TP63: variants seen among roughly 807,000 people sequenced by gnomAD.
TP63 encodes tumor protein p63, also known as tumor protein 63.
A neutral mutation model predicts 82.8 loss-of-function variants in TP63; 17 were observed. The observed-to-expected ratio is 0.21, with a 90% CI of 0.14 to 0.31. The LOEUF (loss-of-function observed/expected upper bound fraction) is 0.31, where lower values mean the gene tolerates loss of function less well. TP63 is among the 10% of genes least tolerant of loss of function. TP63 has a pLI of 1.00. For missense variants in TP63, 648 were observed against 895.3 expected (o/e 0.72, Z 3.52); for synonymous variants, 330 against 321.7 (o/e 1.03, Z -0.28).
At position 189,814,474 on chromosome 3, in the gene TP63, A is replaced by G. The variant is rs9812549; in HGVS notation, c.579+5948A>G. ...ATGTGTTCGTGTTTATCATAACAAG[A>G]TAATTTTTACTTCTTGCCATAGCTG... On this transcript the variant is annotated intron_variant, in intron 4 of 13. Transcript: ENST00000264731. Among the ~76,000 whole-genome samples, 1,122 of 152,320 alleles carry G rather than the reference A, an allele frequency of 7.4e-3. 10 individuals carry two copies. The highest frequency in any genetic ancestry group is 0.025 in the African/African-American group (1,039 of 41,568).
At chr3:189,716,692 T>C (rs536725324) in intron 1 of TP63, among the ~76,000 whole-genome samples, 28 of 152,336 alleles carry the variant, frequency 1.8e-4, no homozygotes, top group African/African-American at 6.5e-4. Flanking sequence ...CTCAGTTGCA[T>C]TCTTTTTCCC....
chr3:189,817,287 A>ATAAGAAGACTAATGATTACTT (rs1309841314), intron 4 of TP63, among the ~76,000 whole-genome samples: 3 of 152,168 alleles, frequency 2.0e-5, no homozygotes, highest in Non-Finnish European at 4.4e-5. Flanking sequence ...GTTGTATTAA[A>ATAAGAAGACTAATGATTACTT]TAAGAAGACT....
chr3:189,751,333 C>G (rs1721807570), intron 3 of TP63, among the ~76,000 whole-genome samples: 1 of 152,076 alleles, frequency 6.6e-6, no homozygotes, highest in South Asian at 2.1e-4. Context: ...GGGTATATAC[C>G]CAGTAATGGG....
In TP63 at chr3:189,868,720, A is replaced by T. The variant is rs2108807197; in HGVS notation, c.1129+4A>T. 1 of 1,613,926 alleles carries T rather than the reference A, an allele frequency of 6.2e-7. No homozygotes were observed. The highest frequency in any genetic ancestry group is 8.5e-7 in the Non-Finnish European group (1 of 1,179,906). On this transcript the variant is annotated splice_donor_region_variant and intron_variant, in intron 8 of 13. Transcript: ENST00000264731. ...AACGGTGATGGTACGAAGCGCCGTAAGTAGATGTAGTGGCCAAATGGGGTA... is the reference window on the plus strand; with the variant it reads ...AACGGTGATGGTACGAAGCGCCGTATGTAGATGTAGTGGCCAAATGGGGTA...
intron 1 of TP63, among the ~76,000 whole-genome samples, chr3:189,669,333 T>A (rs1333287911): frequency 6.6e-6 from 1 of 151,814 alleles, no homozygotes; most frequent in Non-Finnish European, 1.5e-5. Context: ...TGAGGATAAT[T>A]TGTAGTTAGC....
chr3:189,833,380 A>C (rs535672329), intron 4 of TP63, among the ~76,000 whole-genome samples: 1 of 152,356 alleles, frequency 6.6e-6, no homozygotes, highest in Non-Finnish European at 1.5e-5. Flanking sequence ...CCAATTTATG[A>C]GCATGTTTAG....
intron 5 of TP63, 86 bp from the exon 6 acceptor site, chr3:189,866,596 A>T: frequency 8.1e-7 from 1 of 1,240,566 alleles, no homozygotes; most frequent in Non-Finnish European, 1.2e-6. Context: ...TTCTTTTGCC[A>T]CCAACATCCT....
At chr3:189,694,570 A>G (rs1417760946) in intron 1 of TP63, among the ~76,000 whole-genome samples, 1 of 151,960 alleles carries the variant, frequency 6.6e-6, no homozygotes, top group African/African-American at 2.4e-5. Context: ...TTAATGATAA[A>G]CCTGGGTTTA....
chr3:189,844,388 C>T (rs777992182), intron 4 of TP63: 20 of 342,218 alleles, frequency 5.8e-5, no homozygotes, highest in Middle Eastern at 9.9e-4. Flanking sequence ...TGGATTCAAG[C>T]GATTCTCCTT....
In TP63 at chr3:189,872,877, T is replaced by C; in HGVS notation, c.1231T>C (p.Tyr411His). The change falls in exon 10 of 14, where the codon TAT becomes CAT. Residue 411 changes from tyrosine to histidine, a missense_variant. By Grantham distance (83) the Tyr-to-His change is moderately conservative (BLOSUM62 2). Transcript: ENST00000264731. ...LYLPVRGRET[Y>H]EMLLKIKESL... is the part of the protein sequence containing the mutation. ...TCCATAGGTGAGGGGCCGTGAGACT[T>C]ATGAAATGCTGTTGAAGATCAAAGA... is the stretch of plus-strand genomic sequence containing the variant. The C allele has an allele frequency of 6.2e-7, 1 of 1,614,116 alleles. No homozygotes were observed. Among genetic ancestry groups the C allele is most frequent in the Non-Finnish European group, 8.5e-7 (1 of 1,179,990 alleles).
chr3:189,828,373 T>C (rs1056358254), intron 4 of TP63, among the ~76,000 whole-genome samples: 4 of 152,138 alleles, frequency 2.6e-5, no homozygotes, highest in African/African-American at 7.2e-5. Context: ...TTTCCGTAAT[T>C]GGGATTATTT....
intron 10 of TP63, among the ~76,000 whole-genome samples, chr3:189,885,240 A>T (rs552906043): frequency 1.3e-5 from 2 of 152,202 alleles, no homozygotes; most frequent in African/African-American, 4.8e-5. Flanking sequence ...TTCAGTGTAG[A>T]TGCTGCATAG....
At chr3:189,720,736 G>GA (rs548352369) in intron 1 of TP63, among the ~76,000 whole-genome samples, 12,798 of 120,354 alleles carry the variant, frequency 0.11, 694 homozygotes, top group Non-Finnish European at 0.11. Context: ...CTCCGTCTCA[G>GA]AAAAAAAAAA....
rs548388379 is a variant in TP63 at position 189,843,366 on chromosome 3, C to T, written c.580-20866C>T. The stretch of plus-strand genomic sequence containing the variant: ...GATGTCAACATTTGTGGGCGCGGCC[C>T]GGGAAGAATGTGCCGCTCCCAGCCT... On this transcript the variant is annotated intron_variant, in intron 4 of 13. Transcript: ENST00000264731. Among the ~76,000 whole-genome samples the T allele has an allele frequency of 2.0e-4, 30 of 152,288 alleles. No homozygotes were observed. The South Asian group carries it at 2.3e-3, about 12-fold the overall frequency.
chr3:189,693,548 G>A (rs545893313), intron 1 of TP63, among the ~76,000 whole-genome samples: 13 of 152,318 alleles, frequency 8.5e-5, no homozygotes, highest in African/African-American at 3.1e-4. Context: ...AAATCATGGA[G>A]TGCTTCGTAT....
chr3:189,719,352 A>T (rs1486383937), intron 1 of TP63, among the ~76,000 whole-genome samples: 18 of 152,140 alleles, frequency 1.2e-4, no homozygotes, highest in Non-Finnish European at 2.6e-4. Flanking sequence ...AGAGTCCATG[A>T]TGCTCAGTTG....
intron 1 of TP63, among the ~76,000 whole-genome samples, chr3:189,694,769 A>AAGG (rs1257439779): frequency 4.4e-5 from 6 of 137,406 alleles, no homozygotes; most frequent in African/African-American, 1.6e-4. Context: ...TACTCTTTGA[A>AAGG]AGGAGGCCAG....
intron 1 of TP63, among the ~76,000 whole-genome samples, chr3:189,711,167 G>A (rs1025805002): frequency 4.5e-4 from 68 of 152,128 alleles, no homozygotes; most frequent in African/African-American, 1.6e-3. Flanking sequence ...GTTGAGCCAG[G>A]AACCATTACT....
At chr3:189,773,279 C>T (rs1177087580) in intron 3 of TP63, among the ~76,000 whole-genome samples, 2 of 152,210 alleles carry the variant, frequency 1.3e-5, no homozygotes, top group African/African-American at 4.8e-5. Flanking sequence ...GAGTAATTCT[C>T]ATTCTTGCAT....
Sources: gnomAD v4.1 joint callset for allele counts (sites outside exome capture counted in the v4.1 genomes callset) on GRCh38, gnomAD v4.1.1 for gene constraint, MANE v1.5 for transcripts, NCBI Gene and HGNC (gene_info 2026-07-23, HGNC 2026-07-21) for gene names.